PSEN1: variants seen among roughly 807,000 people sequenced by gnomAD.
PSEN1 encodes presenilin-1.
Under a neutral mutation model 53.5 loss-of-function variants are expected in PSEN1, and 15 were observed. The observed-to-expected ratio is 0.28, with a 90% confidence interval of 0.19 to 0.43. The LOEUF (loss-of-function observed/expected upper bound fraction) is 0.43. Among genes scored for constraint, PSEN1 ranks in the 20% least tolerant of loss-of-function variants. The pLI, the probability that PSEN1 is intolerant of heterozygous loss-of-function variation, is 1.00. For missense variants in PSEN1, 387 were observed against 571.2 expected (o/e 0.68, Z 3.29); for synonymous variants, 208 against 209.8 (o/e 0.99, Z 0.08).
intron 10 of PSEN1, among the ~76,000 whole-genome samples, chr14:73,212,520 A>C (rs1009309156): frequency 1.3e-5 from 2 of 152,216 alleles, no homozygotes; most frequent in Non-Finnish European, 2.9e-5. Flanking sequence ...TGGCCGTAAT[A>C]CATTTGTCTA....
intron 3 of PSEN1, among the ~76,000 whole-genome samples, chr14:73,154,905 G>A (rs1295890330): frequency 6.6e-6 from 1 of 152,204 alleles, no homozygotes; most frequent in Non-Finnish European, 1.5e-5. Flanking sequence ...TGAGGTTGTA[G>A]GGAAATAGGC....
At chr14:73,189,432 G>A (rs915446265) in intron 6 of PSEN1, among the ~76,000 whole-genome samples, 7 of 149,444 alleles carry the variant, frequency 4.7e-5, no homozygotes, top group Non-Finnish European at 1.0e-4. Context: ...CCAACGTGGT[G>A]AAAACCCACC....
Position 73,220,712 on chromosome 14 carries a change from A to G in PSEN1, c.*1423A>G, listed in dbSNP as rs553804789. On this transcript the variant is annotated 3_prime_UTR_variant, in exon 12 of 12. Transcript: ENST00000324501. ...GTGCTTTGTGGTCTCTGCCCGCGTT[A>G]CCTTTCCTCTCAATGTACCTTTGTG... The G allele has an allele frequency of 2.0e-5, 3 of 152,190 alleles. No homozygotes were observed. Among genetic ancestry groups the G allele is most frequent in the Admixed American group, 6.5e-5 (1 of 15,276 alleles). The allele number at this position is 152,190 out of a possible 1,614,324, so 9.4% of individuals were successfully genotyped here.
At chr14:73,189,339 C>T (rs936484554) in intron 6 of PSEN1, among the ~76,000 whole-genome samples, 1 of 152,002 alleles carries the variant, frequency 6.6e-6, no homozygotes, top group African/African-American at 2.4e-5. Flanking sequence ...GTCTGGGTGC[C>T]GTGGCTCATG....
chr14:73,206,285 T>C lies in PSEN1; in HGVS notation c.869-101T>C. On this transcript the variant is annotated intron_variant, in intron 8 of 11. Transcript: ENST00000324501. ...ATTGTTGAACAGTCTTAAGGCAGCA[T>C]TAGGAAGACTGGCGATTTGTGTGGA... 6 of 820,018 alleles carry C rather than the reference T, an allele frequency of 7.3e-6. No homozygotes were observed. In the South Asian group the frequency reaches 8.2e-5, roughly 11 times the overall value. 50.8% of individuals were successfully genotyped at this position (820,018 alleles called of 1,614,324 possible).
At chr14:73,186,402 A>C (rs187601578) in intron 5 of PSEN1, among the ~76,000 whole-genome samples, 1 of 152,152 alleles carries the variant, frequency 6.6e-6, no homozygotes, top group African/African-American at 2.4e-5. Context: ...AGAATATTCA[A>C]ATGTCCAAGG....
chr14:73,164,985 C>G lies in PSEN1; in HGVS notation c.88-5812C>G, dbSNP rs112101802. Among the ~76,000 whole-genome samples the G allele has an allele frequency of 4.9e-3, 744 of 151,982 alleles. 5 individuals carry two copies. Among genetic ancestry groups the G allele is most frequent in the African/African-American group, 0.017 (684 of 41,450 alleles). On this transcript the variant is annotated intron_variant, in intron 3 of 11. Coordinates refer to ENST00000324501, the MANE Select transcript of PSEN1 (RefSeq NM_000021.4). ...TTTTTGTTTTTTTTTGAGACGGAGT[C>G]TCATTCTGTCACCCAGGTTGGAGTA... is the stretch of plus-strand genomic sequence containing the variant.
intron 1 of PSEN1, among the ~76,000 whole-genome samples, chr14:73,141,330 C>G (rs1896919563): frequency 6.6e-6 from 1 of 151,538 alleles, no homozygotes; most frequent in South Asian, 2.1e-4. Flanking sequence ...AAAAAAAAAT[C>G]ACCAAATGGG....
intron 10 of PSEN1, among the ~76,000 whole-genome samples, chr14:73,212,764 C>T (rs1478385673): frequency 6.6e-6 from 1 of 152,188 alleles, no homozygotes; most frequent in African/African-American, 2.4e-5. Flanking sequence ...TTATCAGCCA[C>T]TAAAGCCCTT....
At chr14:73,194,425 T>A (rs28451346) in intron 7 of PSEN1, among the ~76,000 whole-genome samples, 13,780 of 151,604 alleles carry the variant, frequency 0.091, 727 homozygotes, top group South Asian at 0.19. Context: ...CCTAATTTTT[T>A]AAAAAAAAAT....
intron 5 of PSEN1, among the ~76,000 whole-genome samples, chr14:73,186,296 T>C (rs1898507997): frequency 6.6e-6 from 1 of 152,146 alleles, no homozygotes; most frequent in Non-Finnish European, 1.5e-5. Flanking sequence ...GGAGAATTGC[T>C]TGAACCCTGG....
At chr14:73,205,970 A>G (rs560296547) in intron 8 of PSEN1, among the ~76,000 whole-genome samples, 3 of 152,376 alleles carry the variant, frequency 2.0e-5, no homozygotes, top group African/African-American at 7.2e-5. Context: ...ATGAGACATA[A>G]TATGAAGGAA....
chr14:73,149,518 A>G (rs1383969514), intron 3 of PSEN1, among the ~76,000 whole-genome samples: 1 of 152,182 alleles, frequency 6.6e-6, no homozygotes, highest in Non-Finnish European at 1.5e-5. Flanking sequence ...CTGAAGATTT[A>G]GGATTCTTCA....
intron 5 of PSEN1, among the ~76,000 whole-genome samples, chr14:73,184,461 GCGGCCGGGCAGAGGCGCCCC>G (rs1235799500): frequency 3.4e-4 from 33 of 96,316 alleles, no homozygotes; most frequent in African/African-American, 8.6e-4. Flanking sequence ...CCCAGTAGGG[GCGGCCGGGCAGAGGCGCCCC>G]TCACCTCCCG....
intron 8 of PSEN1, among the ~76,000 whole-genome samples, chr14:73,200,244 A>G (rs1566646702): frequency 6.6e-6 from 1 of 152,064 alleles, no homozygotes; most frequent in African/African-American, 2.4e-5. Context: ...CTGGCTTGGT[A>G]TAATCTTTTT....
At chr14:73,188,176 C>T (rs944420872) in intron 6 of PSEN1, among the ~76,000 whole-genome samples, 1 of 150,590 alleles carries the variant, frequency 6.6e-6, no homozygotes, top group East Asian at 1.9e-4. Context: ...ATCCGCCCGC[C>T]TTGGCCTCCC....
intron 9 of PSEN1, among the ~76,000 whole-genome samples, chr14:73,210,657 C>T (rs1899639977): frequency 6.6e-6 from 1 of 152,038 alleles, no homozygotes; most frequent in Non-Finnish European, 1.5e-5. Flanking sequence ...TTCATAAACT[C>T]CAAACCAGAG....
At chr14:73,185,127 C>G (rs1259396997) in intron 5 of PSEN1, among the ~76,000 whole-genome samples, 100 of 150,894 alleles carry the variant, frequency 6.6e-4, no homozygotes, top group African/African-American at 2.0e-3. Context: ...CCAGACTGGG[C>G]AGCCAGGCAG....
intron 11 of PSEN1, among the ~76,000 whole-genome samples, chr14:73,218,813 G>A (rs1011574502): frequency 6.6e-6 from 1 of 151,852 alleles, no homozygotes; most frequent in African/African-American, 2.4e-5. Context: ...AATCACAGAG[G>A]CCAACACATC....
Sources: allele counts gnomAD v4.1 joint callset (sites outside exome capture counted in the v4.1 genomes callset), GRCh38; gene constraint gnomAD v4.1.1; transcripts MANE v1.5; gene names NCBI Gene and HGNC (gene_info 2026-07-23, HGNC 2026-07-21).